Variants in GRIP1 observed in about 807,000 individuals in gnomAD.
The protein encoded by GRIP1 is glutamate receptor interacting protein 1, also known as glutamate receptor-interacting protein 1.
GRIP1 carries 45 observed loss-of-function variants against 129.9 expected under a neutral mutation model. That is an observed-to-expected ratio of 0.35 (90% CI 0.27 to 0.44). The LOEUF (loss-of-function observed/expected upper bound fraction) is 0.44. Ranked by LOEUF, GRIP1 falls within the 20% of genes least tolerant of loss-of-function variation. The probability of loss-of-function intolerance (pLI) is 1.00; values close to 1 mark genes in which losing one functional copy is unlikely to be tolerated. For missense variants in GRIP1, 1,196 were observed against 1,396.8 expected (o/e 0.86, Z 2.29); for synonymous variants, 530 against 520.8 (o/e 1.02, Z -0.24).
At chr12:66,607,919 T>C (rs1015088124) in intron 1 of GRIP1, among the ~76,000 whole-genome samples, 1 of 152,170 alleles carries the variant, frequency 6.6e-6, no homozygotes, top group Non-Finnish European at 1.5e-5. Context: ...AGACTTTAGT[T>C]TTGAAAATTC....
intron 6 of GRIP1, 95 bp from the exon 7 acceptor site, chr12:66,515,859 T>C: frequency 2.1e-6 from 2 of 958,180 alleles, no homozygotes; most frequent in South Asian, 1.3e-5. Flanking sequence ...GTCACACATA[T>C]TCTGCCATCC....
chr12:66,557,262 T>C (rs2062368935), intron 2 of GRIP1, among the ~76,000 whole-genome samples: 1 of 152,104 alleles, frequency 6.6e-6, no homozygotes, highest in Admixed American at 6.5e-5. Context: ...AAAGGGTAAA[T>C]TCAGCAAGAG....
At chr12:66,601,327 G>A (rs1287754342) in intron 1 of GRIP1, among the ~76,000 whole-genome samples, 2 of 152,178 alleles carry the variant, frequency 1.3e-5, no homozygotes, top group African/African-American at 2.4e-5. Context: ...CTATGCTGGA[G>A]CTGGGAGAAT....
intron 1 of GRIP1, among the ~76,000 whole-genome samples, chr12:66,951,682 G>A (rs1053667187): frequency 8.5e-5 from 13 of 152,204 alleles, no homozygotes; most frequent in East Asian, 1.9e-4. Context: ...AGCAATCCTC[G>A]TTGTAGTCCA....
chr12:66,424,247 G>C (rs2057907291), intron 14 of GRIP1, among the ~76,000 whole-genome samples: 1 of 152,094 alleles, frequency 6.6e-6, no homozygotes, highest in Admixed American at 6.5e-5. Flanking sequence ...TTTTCATGCT[G>C]CCTATAGATA....
chr12:66,921,827 T>C (rs2041218358), intron 1 of GRIP1, among the ~76,000 whole-genome samples: 1 of 152,220 alleles, frequency 6.6e-6, no homozygotes, highest in South Asian at 2.1e-4. Flanking sequence ...ACTCTGAATG[T>C]TCCTCTTTTA....
At chr12:66,727,937 T>C (rs916706636) in intron 1 of GRIP1, among the ~76,000 whole-genome samples, 2 of 152,204 alleles carry the variant, frequency 1.3e-5, no homozygotes, top group African/African-American at 4.8e-5. Context: ...GGGCAAGAAA[T>C]AATTTCAATA....
In GRIP1 at chr12:66,798,340, G is replaced by A. The variant is rs1407038001; in HGVS notation, c.-420+5713C>T. Among the ~76,000 whole-genome samples the A allele has an allele frequency of 2.6e-5, 4 of 152,160 alleles. No individual in the cohort carries two copies. The South Asian group carries it at 6.2e-4, about 24-fold the overall frequency. ...GAAAGAGTAATGTGAATAAAAAGGA[G>A]GCATGAAATCTTATTGCACATTAAA... On this transcript the variant is annotated intron_variant, in intron 1 of 4. Transcript: ENST00000538373.
At chr12:66,750,271 G>C (rs911253950) in intron 1 of GRIP1, among the ~76,000 whole-genome samples, 1 of 152,128 alleles carries the variant, frequency 6.6e-6, no homozygotes, top group Non-Finnish European at 1.5e-5. Context: ...ACATGCCAAG[G>C]GTCCCTTGAT....
At chr12:66,945,527 C>T (rs1028930772) in intron 1 of GRIP1, among the ~76,000 whole-genome samples, 4 of 152,082 alleles carry the variant, frequency 2.6e-5, no homozygotes, top group Admixed American at 6.5e-5. Context: ...GGGGAGAAGT[C>T]CTCTCACATG....
chr12:66,800,350 C>T (rs2136909549), intron 1 of GRIP1, among the ~76,000 whole-genome samples: 1 of 152,156 alleles, frequency 6.6e-6, no homozygotes, highest in East Asian at 1.9e-4. Flanking sequence ...AGTCCCACTC[C>T]TAATTCCATA....
At chr12:66,816,922 G>A (rs1313810041) in intron 1 of GRIP1, among the ~76,000 whole-genome samples, 1 of 151,644 alleles carries the variant, frequency 6.6e-6, no homozygotes, top group African/African-American at 2.4e-5. Flanking sequence ...AGAACTGTGG[G>A]GTTTATAACA....
chr12:66,351,644 G>A (rs1029926005), intron 24 of GRIP1, among the ~76,000 whole-genome samples: 1 of 150,016 alleles, frequency 6.7e-6, no homozygotes, highest in African/African-American at 2.5e-5. Context: ...CTCTGAACAG[G>A]CAGTTTTAAT....
At chr12:66,905,849 G>T (rs1410109580) in intron 1 of GRIP1, among the ~76,000 whole-genome samples, 2 of 152,056 alleles carry the variant, frequency 1.3e-5, no homozygotes, top group East Asian at 3.9e-4. Context: ...CTTAATAAAA[G>T]CCATAGTGTT....
chr12:66,833,432 A>AT (rs11405281), intron 1 of GRIP1, among the ~76,000 whole-genome samples: 16,088 of 152,214 alleles, frequency 0.11, 1,077 homozygotes, highest in East Asian at 0.24. Context: ...TTACTCAGGC[A>AT]TTCTGCTCCA....
chr12:66,645,810 C>G (rs551994802), intron 1 of GRIP1, among the ~76,000 whole-genome samples: 1 of 152,268 alleles, frequency 6.6e-6, no homozygotes, highest in Admixed American at 6.5e-5. Context: ...AAGCTTACCA[C>G]TATTTGACTT....
In GRIP1 at chr12:66,347,956, T is replaced by G. The variant is rs2054051025; in HGVS notation, c.*1063A>C. 6.6e-6 allele frequency: 1 copy of G among 152,216 alleles called. No individual in the cohort carries two copies. The highest frequency in any genetic ancestry group is 6.5e-5 in the Admixed American group (1 of 15,276). The allele number at this position is 152,216 out of a possible 1,614,324, so 9.4% of individuals were successfully genotyped here. ...GTTATTAGTGTAGCTATTCAAAATA[T>G]CTGAACAAATGAAAACAGTTGCTGA... On this transcript the variant is annotated 3_prime_UTR_variant, in exon 25 of 25. Coordinates refer to ENST00000359742, the MANE Select transcript of GRIP1 (RefSeq NM_001366722.1).
chr12:66,421,905 CA>C (rs199920526), intron 14 of GRIP1, among the ~76,000 whole-genome samples: 8 of 150,774 alleles, frequency 5.3e-5, no homozygotes, highest in African/African-American at 9.7e-5. Context: ...CATATAAATA[CA>C]AAAAAAAATC....
At chr12:66,470,449 T>C (rs1592380526) in intron 7 of GRIP1, among the ~76,000 whole-genome samples, 1 of 40,384 alleles carries the variant, frequency 2.5e-5, no homozygotes, top group East Asian at 5.8e-4. Context: ...TTTTTTTTTT[T>C]TTAACAACTG....
Sources: allele counts gnomAD v4.1 joint callset (sites outside exome capture counted in the v4.1 genomes callset), GRCh38; gene constraint gnomAD v4.1.1; transcripts MANE v1.5; gene names NCBI Gene and HGNC (gene_info 2026-07-23, HGNC 2026-07-21).